LRMDA: variants seen among roughly 807,000 people sequenced by gnomAD.
LRMDA encodes the protein leucine rich melanocyte differentiation associated, also known as leucine-rich melanocyte differentiation-associated protein.
LRMDA carries 18 observed loss-of-function variants against 29.8 expected under a neutral mutation model. The ratio of observed to expected loss-of-function variants is 0.60; its 90% CI spans 0.42 to 0.90. The LOEUF (loss-of-function observed/expected upper bound fraction) is 0.90, where lower values mean the gene tolerates loss of function less well. Ranked by LOEUF, LRMDA falls within the 40% of genes least tolerant of loss-of-function variation. The pLI, the probability that LRMDA is intolerant of heterozygous loss-of-function variation, is 0.00. For missense variants in LRMDA, 273 were observed against 273.9 expected, an observed-to-expected ratio of 1.00 and a Z score of 0.02; for synonymous variants, 125 against 109.4, an observed-to-expected ratio of 1.14 and a Z score of -0.89.
chr10:75,607,824 GTTTTTTT>G (rs5786180), intron 2 of LRMDA, among the ~76,000 whole-genome samples: 1 of 72,298 alleles, frequency 1.4e-5, no homozygotes, highest in African/African-American at 5.4e-5. Context: ...TGATTCAGTG[GTTTTTTT>G]TTTTTTTTTT....
intron 6 of LRMDA, among the ~76,000 whole-genome samples, chr10:76,365,792 T>C (rs1181219068): frequency 6.6e-6 from 1 of 152,210 alleles, no homozygotes; most frequent in Non-Finnish European, 1.5e-5. Context: ...GCATTTGCTT[T>C]TGGGTTCTTG....
chr10:75,781,292 C>T (rs1485140566), intron 2 of LRMDA, among the ~76,000 whole-genome samples: 19 of 152,280 alleles, frequency 1.2e-4, no homozygotes, highest in East Asian at 5.8e-4. Context: ...TAATAACCTC[C>T]GATACATTTT....
chr10:75,647,948 GA>G (rs548976676), intron 2 of LRMDA, among the ~76,000 whole-genome samples: 21 of 152,096 alleles, frequency 1.4e-4, no homozygotes, highest in African/African-American at 5.1e-4. Context: ...TGGTTTGCCT[GA>G]AGATGGGGTA....
chr10:75,977,748 G>A (rs1354017317), intron 2 of LRMDA, among the ~76,000 whole-genome samples: 1 of 152,176 alleles, frequency 6.6e-6, no homozygotes, highest in Non-Finnish European at 1.5e-5. Context: ...CAGTCCCTCT[G>A]AGGGTCCAGG....
At chr10:75,787,162 G>C (rs775130884) in intron 2 of LRMDA, among the ~76,000 whole-genome samples, 8 of 152,168 alleles carry the variant, frequency 5.3e-5, no homozygotes, top group Non-Finnish European at 1.2e-4. Context: ...GCTTGGTGGT[G>C]GTTCGATATT....
rs141080041 is a variant in LRMDA, at chr10:76,505,935, T to G, written c.602-51274T>G. Among the ~76,000 whole-genome samples the G allele has an allele frequency of 3.4e-3, 513 of 152,256 alleles. 1 individual carries two copies. Among genetic ancestry groups the G allele is most frequent in the African/African-American group, 0.012 (490 of 41,564 alleles). On this transcript the variant is annotated intron_variant, in intron 6 of 6. Transcript: ENST00000611255. Reference sequence around the variant, plus strand: ...TAAGTTGAGTATAATCAATTGGCTTTGTTTCTGGGCGCTTTCAGGGTGCCA... The same window carrying G: ...TAAGTTGAGTATAATCAATTGGCTTGGTTTCTGGGCGCTTTCAGGGTGCCA...
At chr10:76,550,228 T>G (rs1021913847) in intron 6 of LRMDA, among the ~76,000 whole-genome samples, 2 of 152,242 alleles carry the variant, frequency 1.3e-5, no homozygotes, top group African/African-American at 4.8e-5. Flanking sequence ...CTGTGAATAA[T>G]TAATGCTTTC....
chr10:76,235,583 G>A (rs551192205), intron 5 of LRMDA, among the ~76,000 whole-genome samples: 3 of 152,270 alleles, frequency 2.0e-5, no homozygotes, highest in African/African-American at 7.2e-5. Flanking sequence ...GCCTGCGACA[G>A]GGTCTTTCTG....
intron 6 of LRMDA, among the ~76,000 whole-genome samples, chr10:76,342,155 T>C (rs543843786): frequency 4.6e-5 from 7 of 152,266 alleles, no homozygotes; most frequent in South Asian, 2.1e-4. Flanking sequence ...GAGATCATAA[T>C]ATAATAAAAC....
intron 6 of LRMDA, among the ~76,000 whole-genome samples, chr10:76,448,641 A>AT (rs1042106261): frequency 1.2e-4 from 18 of 151,750 alleles, no homozygotes; most frequent in African/African-American, 3.9e-4. Flanking sequence ...CTTTAGCTGT[A>AT]TTTTTTTCTA....
intron 6 of LRMDA, among the ~76,000 whole-genome samples, chr10:76,429,068 C>A: frequency 6.9e-6 from 1 of 144,922 alleles, no homozygotes; most frequent in Non-Finnish European, 1.5e-5. Context: ...ATTCCCCACA[C>A]TGGCATGCCA....
chr10:75,748,412 A>G (rs1177491688), intron 2 of LRMDA, among the ~76,000 whole-genome samples: 1 of 152,230 alleles, frequency 6.6e-6, no homozygotes, highest in East Asian at 1.9e-4. Flanking sequence ...GATTTAAGAA[A>G]AAAATTTAGA....
intron 2 of LRMDA, among the ~76,000 whole-genome samples, chr10:75,610,511 T>C (rs1322562794): frequency 1.3e-5 from 2 of 151,452 alleles, no homozygotes; most frequent in African/African-American, 4.9e-5. Context: ...ACACATACAC[T>C]CATGTATGTA....
chr10:76,168,091 C>A (rs1029886345), intron 5 of LRMDA, among the ~76,000 whole-genome samples: 2 of 152,032 alleles, frequency 1.3e-5, no homozygotes, highest in African/African-American at 4.8e-5. Flanking sequence ...AGTTTTTGTC[C>A]TCAGGAATAA....
intron 2 of LRMDA, among the ~76,000 whole-genome samples, chr10:75,565,343 A>G (rs1402356787): frequency 6.6e-6 from 1 of 152,164 alleles, no homozygotes; most frequent in East Asian, 1.9e-4. Flanking sequence ...GCTTTCTTTC[A>G]CTGGGGATTA....
rs545643315 is a variant in LRMDA, at chr10:75,711,380, T to C, written c.131+272886T>C. On this transcript the variant is annotated intron_variant, in intron 2 of 6. Transcript: ENST00000611255. ...CCTAGAGAACTGTTCAAGGATCAAG[T>C]CACATACATGAAAATGCTTTGCAGG... is the stretch of plus-strand genomic sequence containing the variant. Among the ~76,000 whole-genome samples the C allele has an allele frequency of 7.2e-5, 11 of 152,300 alleles. No homozygotes were observed. In the South Asian group the frequency reaches 2.3e-3, roughly 32 times the overall value.
At chr10:76,111,392 C>T (rs1034163171) in intron 5 of LRMDA, among the ~76,000 whole-genome samples, 32 of 152,380 alleles carry the variant, frequency 2.1e-4, no homozygotes, top group Non-Finnish European at 4.3e-4. Context: ...ATGGAAAAGA[C>T]TTTGGCAGAA....
chr10:76,262,022 T>G (rs542976257), intron 5 of LRMDA, among the ~76,000 whole-genome samples: 1 of 152,044 alleles, frequency 6.6e-6, no homozygotes, highest in Non-Finnish European at 1.5e-5. Flanking sequence ...CTCTTGAGGT[T>G]AGGAATTCAA....
Position 76,072,987 on chromosome 10 carries a change from G to T in LRMDA, c.516+14204G>T, listed in dbSNP as rs532231114. On this transcript the variant is annotated intron_variant, in intron 5 of 6. Transcript: ENST00000611255. ...CATCGCAGATGAAACAGCCAGTCTG[G>T]CAGTGGTCTGATTGTGTTTGTCCAT... is the stretch of plus-strand genomic sequence containing the variant. Among the ~76,000 whole-genome samples, 6 of 152,274 alleles carry T rather than the reference G, an allele frequency of 3.9e-5. No individual in the cohort carries two copies. The South Asian group carries it at 8.3e-4, about 21-fold the overall frequency.
Sources: allele counts gnomAD v4.1 joint callset (sites outside exome capture counted in the v4.1 genomes callset), GRCh38; gene constraint gnomAD v4.1.1; transcripts MANE v1.5; gene names NCBI Gene and HGNC (gene_info 2026-07-23, HGNC 2026-07-21).